Variants in SH3TC1 observed in about 807,000 individuals in gnomAD.
SH3TC1 encodes SH3 domain and tetratricopeptide repeats 1.
SH3TC1 carries 135 observed loss-of-function variants against 117.3 expected under a neutral mutation model. The ratio of observed to expected loss-of-function variants is 1.15; its 90% CI spans 1.00 to 1.33. The LOEUF (loss-of-function observed/expected upper bound fraction) is 1.33. Ranked by LOEUF, SH3TC1 falls within the 40% of genes most tolerant of loss-of-function variation. SH3TC1 has a pLI of 0.00. For synonymous variants in SH3TC1, 898 were observed against 816.9 expected (o/e 1.10, Z -1.69); for missense variants, 2,092 against 1,794.3 (o/e 1.17, Z -3.00).
intron 1 of SH3TC1, among the ~76,000 whole-genome samples, chr4:8,202,908 C>T (rs941905117): frequency 2.6e-5 from 4 of 152,188 alleles, no homozygotes; most frequent in African/African-American, 7.2e-5. Flanking sequence ...GACTTTAGAC[C>T]GTGGGCTCCT....
rs776650092 is a variant in SH3TC1, at chr4:8,214,450, C to A, written c.376-25C>A. The stretch of plus-strand genomic sequence containing the variant: ...TGCCCCAGAGCTCCTGGGGACCTCT[C>A]GAATTCCTATTTCTTTCTCTTAAGG... On this transcript the variant is annotated intron_variant, in intron 4 of 17. Coordinates refer to ENST00000245105, the MANE Select transcript of SH3TC1 (RefSeq NM_018986.5). 6.2e-6 allele frequency: 10 copies of A among 1,606,516 alleles called. No individual in the cohort carries two copies. In the East Asian group the frequency reaches 1.6e-4, roughly 25 times the overall value.
Position 8,206,324 on chromosome 4 carries a change from T to G in SH3TC1, c.172+958T>G, listed in dbSNP as rs1320229400. Among the ~76,000 whole-genome samples, 1 of 150,612 alleles carries G rather than the reference T, an allele frequency of 6.6e-6. No homozygotes were observed. Among genetic ancestry groups the G allele is most frequent in the Admixed American group, 6.6e-5 (1 of 15,178 alleles). The stretch of plus-strand genomic sequence containing the variant: ...CGGCTCAGAGGTTTGGGGTGGGGCC[T>G]GGGCCTGGGGAGCCCACCTGGCCAT... On this transcript the variant is annotated intron_variant, in intron 2 of 17. Transcript: ENST00000245105. The surrounding 1 kb of genome is among the most constrained non-coding windows in gnomAD (Gnocchi z 5.5).
rs550955585 is a variant in SH3TC1, at chr4:8,225,027, C to T, written c.1244-148C>T. 2.2e-5 allele frequency: 21 copies of T among 961,756 alleles called. No homozygotes were observed. The highest frequency in any genetic ancestry group is 3.2e-5 in the African/African-American group (2 of 61,736). 59.6% of individuals were successfully genotyped at this position (961,756 alleles called of 1,614,324 possible). A position where few individuals can be genotyped will look rare whatever the true frequency, so the allele number is the denominator to read the frequency against. ...ACCTGCACCCTGCAACACTCCAGCCCGCAACACCAGCACCCTGCAACATCT... is the reference window on the plus strand; with the variant it reads ...ACCTGCACCCTGCAACACTCCAGCCTGCAACACCAGCACCCTGCAACATCT... On this transcript the variant is annotated intron_variant, in intron 10 of 17. Coordinates refer to ENST00000245105, the MANE Select transcript of SH3TC1 (RefSeq NM_018986.5). This position sits in a 1 kb window ranked among gnomAD's most constrained non-coding sequence, Gnocchi z 5.5.
intron 1 of SH3TC1, among the ~76,000 whole-genome samples, chr4:8,185,209 G>A (rs1373780110): frequency 6.6e-6 from 1 of 151,868 alleles, no homozygotes; most frequent in Non-Finnish European, 1.5e-5. Context: ...GTTTGCGGGT[G>A]CCTGTAGTCG....
chr4:8,216,217 C>A lies in SH3TC1; in HGVS notation c.588C>A (p.Asn196Lys). The A allele has an allele frequency of 3.7e-6, 6 of 1,613,798 alleles. No homozygotes were observed. The highest frequency in any genetic ancestry group is 5.1e-6 in the Non-Finnish European group (6 of 1,180,004). ...ETAIQVHVDE[N>K]ALRLTHESLL... is the part of the protein sequence containing the mutation. ...CCATCCAAGTCCATGTGGATGAGAA[C>A]GCCTTAAGGCTGACCCACGAGAGCC... The change falls in exon 6 of 18, where the codon AAC becomes AAA. Residue 196 changes from asparagine (N) to lysine (K), a missense_variant. Physicochemically the swap from Asn to Lys is moderately conservative, Grantham distance 94 (BLOSUM62 0). Coordinates refer to ENST00000245105, the MANE Select transcript of SH3TC1 (RefSeq NM_018986.5).
In SH3TC1 at chr4:8,227,340, C is replaced by CG. The variant is rs1561707424; in HGVS notation, c.1648dup (p.Ala550GlyfsTer35). Reference sequence around the variant, plus strand: ...GGGCGCCTGGCACAGGCCCGGGGGGCGGCCAAGAAAGCTGGCCTCCTCATG... The same window carrying CG: ...GGGCGCCTGGCACAGGCCCGGGGGGCGGGCCAAGAAAGCTGGCCTCCTCATG... On this transcript the variant is annotated frameshift_variant, in exon 12 of 18. Coordinates refer to ENST00000245105, the MANE Select transcript of SH3TC1 (RefSeq NM_018986.5). LOFTEE classifies it high-confidence loss of function. The CG allele has an allele frequency of 1.9e-6, 3 of 1,602,498 alleles. No individual in the cohort carries two copies. The highest frequency in any genetic ancestry group is 1.7e-6 in the Non-Finnish European group (2 of 1,175,272).
At position 8,219,548 on chromosome 4, in the gene SH3TC1, C is replaced by A; in HGVS notation, c.1112+18C>A. 2.7e-6 allele frequency: 4 copies of A among 1,503,700 alleles called. No individual in the cohort carries two copies. Among genetic ancestry groups the A allele is most frequent in the East Asian group, 4.9e-5 (2 of 40,936 alleles). The allele number at this position is 1,503,700 out of a possible 1,614,324, so 93.1% of individuals were successfully genotyped here. ...GTGTCCGAGTGAGTGGCTGGAGCCCCGCCCCTTTCCTGAACCCACCCCCAT... is the reference window on the plus strand; with the variant it reads ...GTGTCCGAGTGAGTGGCTGGAGCCCAGCCCCTTTCCTGAACCCACCCCCAT... On this transcript the variant is annotated intron_variant, in intron 9 of 17. Coordinates refer to ENST00000245105, the MANE Select transcript of SH3TC1 (RefSeq NM_018986.5).
chr4:8,235,169 T>C (rs1721688940), intron 14 of SH3TC1, among the ~76,000 whole-genome samples: 1 of 151,808 alleles, frequency 6.6e-6, no homozygotes, highest in Admixed American at 6.6e-5. Context: ...GCAGGGGGAG[T>C]GGGCTAGGGC....
intron 17 of SH3TC1, among the ~76,000 whole-genome samples, chr4:8,239,305 ACACAGG>A (rs1489920532): frequency 1.5e-4 from 13 of 86,962 alleles, no homozygotes; most frequent in South Asian, 1.2e-3. Context: ...ACATGAGCAC[ACACAGG>A]CACAGGCACA....
rs914346383 is a variant in SH3TC1, at chr4:8,209,886, A to G, written c.247+64A>G. The G allele has an allele frequency of 1.3e-6, 2 of 1,525,676 alleles. No homozygotes were observed. Among genetic ancestry groups the G allele is most frequent in the Non-Finnish European group, 1.8e-6 (2 of 1,114,928 alleles). 94.5% of individuals were successfully genotyped at this position (1,525,676 alleles called of 1,614,324 possible). A position where few individuals can be genotyped will look rare whatever the true frequency, so the allele number is the denominator to read the frequency against. ...ATCCGGGCTGTGCCGCTCCCTGGGCATCCAAGAGTCCAACCCAGGGCTTCT... is the reference window on the plus strand; with the variant it reads ...ATCCGGGCTGTGCCGCTCCCTGGGCGTCCAAGAGTCCAACCCAGGGCTTCT... On this transcript the variant is annotated intron_variant, in intron 3 of 17. Coordinates refer to ENST00000245105, the MANE Select transcript of SH3TC1 (RefSeq NM_018986.5). This position sits in a 1 kb window ranked among gnomAD's most constrained non-coding sequence, Gnocchi z 5.9.
intron 13 of SH3TC1, chr4:8,232,804 T>C (rs1454198289): frequency 7.8e-7 from 1 of 1,286,720 alleles, no homozygotes. Flanking sequence ...GCTCCAGCCT[T>C]GGCCTCAGGT....
Position 8,241,040 on chromosome 4 carries a change from A to T in SH3TC1, c.*85A>T. The T allele has an allele frequency of 6.5e-7, 1 of 1,550,306 alleles. No individual in the cohort carries two copies. The highest frequency in any genetic ancestry group is 8.7e-7 in the Non-Finnish European group (1 of 1,152,878). On this transcript the variant is annotated 3_prime_UTR_variant, in exon 18 of 18. Transcript: ENST00000245105. ...TGTCGCCGGTGGCTCATTTTCTGGC[A>T]AATGGAGGCACGAACGCAGGGGCCA...
At chr4:8,232,232 TG>T in intron 13 of SH3TC1, 76 bp downstream of exon 13, 1 of 1,289,886 alleles carries the variant, frequency 7.8e-7, no homozygotes, top group Non-Finnish European at 1.0e-6. Context: ...ACAGGGAAGC[TG>T]GCCCAGGGCC....
chr4:8,231,355 A>G (rs1420914632), intron 12 of SH3TC1: 1 of 154,054 alleles, frequency 6.5e-6, no homozygotes, highest in African/African-American at 2.4e-5. Context: ...AGGACTGTGT[A>G]TTCTGCCGTT....
chr4:8,217,078 G>A lies in SH3TC1; in HGVS notation c.750G>A (p.Pro250=), dbSNP rs145625159. ...GGGCACCCCAGGGAGAGGCGGCCCC[G>A]GAAACAGACTCTTCACCGCCGAGCC... The part of the protein sequence containing the change: ...ASGAPQGEAA[P]ETDSSPPSPS... Residue 250 remains proline, a synonymous_variant, in exon 7 of 18, where the codon CCG becomes CCA. Coordinates refer to ENST00000245105, the MANE Select transcript of SH3TC1 (RefSeq NM_018986.5). The A allele has an allele frequency of 4.2e-5, 68 of 1,612,820 alleles. No individual in the cohort carries two copies. Among genetic ancestry groups the A allele is most frequent in the East Asian group, 1.6e-4 (7 of 44,880 alleles).
Position 8,236,302 on chromosome 4 carries a change from A to G in SH3TC1, c.3430A>G (p.Thr1144Ala). The G allele has an allele frequency of 4.5e-6, 7 of 1,555,860 alleles. No homozygotes were observed. The highest frequency in any genetic ancestry group is 6.1e-6 in the Non-Finnish European group (7 of 1,150,534). ...YRDRALPLAV[T>A]TGNRKAELRL... The stretch of plus-strand genomic sequence containing the variant: ...GGACCGGGCCCTGCCCCTGGCAGTG[A>G]CTACGGGCAACCGCAAGGCGGAGCT... The change falls in exon 16 of 18, where the codon ACT (threonine) becomes GCT (alanine). Residue 1144 changes from threonine to alanine, a missense_variant. Transcript: ENST00000245105.
At position 8,210,023 on chromosome 4, in the gene SH3TC1, G is replaced by T. The variant is rs761338751; in HGVS notation, c.247+201G>T. Among the ~76,000 whole-genome samples, 1 of 152,194 alleles carries T rather than the reference G, an allele frequency of 6.6e-6. No homozygotes were observed. The highest frequency in any genetic ancestry group is 1.5e-5 in the Non-Finnish European group (1 of 68,018). ...CCCAGAGGGGGACATGGCCCCTGGG[G>T]CTCCCCTAGGCATCCCTGTGTGCAC... On this transcript the variant is annotated intron_variant, in intron 3 of 17. Transcript: ENST00000245105. This position sits in a 1 kb window ranked among gnomAD's most constrained non-coding sequence, Gnocchi z 4.1.
In SH3TC1 at chr4:8,230,027, A is replaced by ATGAGGAT. The variant is rs1212468126; in HGVS notation, c.2950+1383_2950+1384insTGAGGAT. ...AGTCGAGGAGACCGGGGGCCAGGGG[A>ATGAGGAT]CGAGGATCATGCTTCCCTGTCTCCC... On this transcript the variant is annotated intron_variant, in intron 12 of 17. Coordinates refer to ENST00000245105, the MANE Select transcript of SH3TC1 (RefSeq NM_018986.5). Among the ~76,000 whole-genome samples the ATGAGGAT allele has an allele frequency of 4.2e-4, 60 of 143,498 alleles. 2 individuals carry two copies. The highest frequency in any genetic ancestry group is 9.0e-4 in the Admixed American group (13 of 14,420). The allele number at this position is 143,498 out of a possible 152,430, so 94.1% of individuals were successfully genotyped here.
In SH3TC1 at chr4:8,209,633, G is replaced by T. The variant is rs753657189; in HGVS notation, c.173-115G>T. On this transcript the variant is annotated intron_variant, in intron 2 of 17. Coordinates refer to ENST00000245105, the MANE Select transcript of SH3TC1 (RefSeq NM_018986.5). This position sits in a 1 kb window ranked among gnomAD's most constrained non-coding sequence, Gnocchi z 5.9. ...AAGGCAGCTGTGGGAAAGGCGGCTC[G>T]TGCGGGACAGAACTCACCTCTTTTC... The T allele has an allele frequency of 5.2e-6, 8 of 1,545,806 alleles. No homozygotes were observed. The South Asian group carries it at 7.1e-5, about 14-fold the overall frequency.
Sources: allele counts gnomAD v4.1 joint callset (sites outside exome capture counted in the v4.1 genomes callset), GRCh38; gene constraint gnomAD v4.1.1; non-coding constraint Gnocchi (gnomAD v3.1); transcripts MANE v1.5; gene names NCBI Gene and HGNC (gene_info 2026-07-23, HGNC 2026-07-21).